PLS3: variants seen among roughly 807,000 people sequenced by gnomAD.
The protein encoded by PLS3 is plastin 3, also known as plastin-3.
A neutral mutation model predicts 46.5 loss-of-function variants in PLS3; 11 were observed. That is an observed-to-expected ratio of 0.24 (90% CI 0.15 to 0.39). The LOEUF (loss-of-function observed/expected upper bound fraction) is 0.39, where lower values mean the gene tolerates loss of function less well. PLS3 is among the 10% of genes least tolerant of loss of function. The pLI, the probability that PLS3 is intolerant of heterozygous loss-of-function variation, is 1.00. For missense variants in PLS3, 308 were observed against 461.8 expected, an observed-to-expected ratio of 0.67 and a Z score of 3.05; for synonymous variants, 167 against 162.2, an observed-to-expected ratio of 1.03 and a Z score of -0.22.
intron 1 of PLS3, among the ~76,000 whole-genome samples, chrX:115,564,866 T>C (rs1259437351): frequency 8.9e-6 from 1 of 112,083 alleles, no homozygotes; most frequent in African/African-American, 3.2e-5. Flanking sequence ...TTTAGAATCA[T>C]GTTGTCTTTG....
Position 115,650,475 on chromosome X carries a change from A to G in PLS3, c.*914A>G, listed in dbSNP as rs1226267268. Reference sequence around the variant, plus strand: ...TTGGTAGGCCAAGTATGCTAAGTGTACAATATATTTTTTAATTTTACACCT... The same window carrying G: ...TTGGTAGGCCAAGTATGCTAAGTGTGCAATATATTTTTTAATTTTACACCT... On this transcript the variant is annotated 3_prime_UTR_variant, in exon 16 of 16. Coordinates refer to ENST00000355899, the MANE Select transcript of PLS3 (RefSeq NM_005032.7). 8.9e-6 allele frequency: 1 copy of G among 112,214 alleles called. No individual in the cohort carries two copies. Among genetic ancestry groups the G allele is most frequent in the Admixed American group, 9.6e-5 (1 of 10,448 alleles). The allele number at this position is 112,214 out of a possible 1,213,427, so 9.2% of individuals were successfully genotyped here. A position where few individuals can be genotyped will look rare whatever the true frequency, so the allele number is the denominator to read the frequency against.
At chrX:115,573,943 A>G (rs1324251660) in intron 1 of PLS3, among the ~76,000 whole-genome samples, 3 of 111,095 alleles carry the variant, frequency 2.7e-5, no homozygotes, top group Non-Finnish European at 5.7e-5. Flanking sequence ...GCCTCAAGCG[A>G]TCTGCCCACC....
rs377174283 is a variant in PLS3, at chrX:115,603,991, A to G, written c.-8-6252A>G. On this transcript the variant is annotated intron_variant, in intron 1 of 15. Transcript: ENST00000355899. ...TGACAATATTGACAAGCTGTTAGCTATTTTGAAAAGTGATCCTAAAATATT... is the reference window on the plus strand; with the variant it reads ...TGACAATATTGACAAGCTGTTAGCTGTTTTGAAAAGTGATCCTAAAATATT... Among the ~76,000 whole-genome samples the G allele has an allele frequency of 7.8e-4, 88 of 112,117 alleles. 2 individuals are homozygous for G. In the South Asian group the frequency reaches 0.031, roughly 39 times the overall value.
At chrX:115,634,112 G>A (rs1228648830) in intron 6 of PLS3, 31 bp downstream of exon 6, 2 of 857,197 alleles carry the variant, frequency 2.3e-6, no homozygotes, top group African/African-American at 4.1e-5. Context: ...CCTTTAACAT[G>A]AAATTACTGT....
chrX:115,628,555 C>T (rs1425701083), intron 3 of PLS3, among the ~76,000 whole-genome samples: 1 of 110,813 alleles, frequency 9.0e-6, no homozygotes. Flanking sequence ...GGATGTGAAA[C>T]TTACTGTGTT....
intron 1 of PLS3, among the ~76,000 whole-genome samples, chrX:115,580,410 T>C (rs2074273342): frequency 8.9e-6 from 1 of 112,749 alleles, no homozygotes; most frequent in African/African-American, 3.2e-5. Flanking sequence ...TTTTTTGTTT[T>C]GGACTGTGTT....
Position 115,636,876 on chromosome X carries a change from A to G in PLS3, c.789A>G (p.Glu263=), listed in dbSNP as rs2074843393. The G allele has an allele frequency of 5.0e-6, 6 of 1,207,058 alleles. No individual in the cohort carries two copies. The highest frequency in any genetic ancestry group is 6.7e-6 in the Non-Finnish European group (6 of 892,207). The change falls in exon 8 of 16, where the codon GAA becomes GAG. Residue 263 remains glutamate, a synonymous_variant. Transcript: ENST00000355899. ...TCCGAGATGGTGAGACTTTGGAGGA[A>G]CTTATGAAATTGTCTCCAGAAGAGC... ...ALLRDGETLE[E]LMKLSPEELL...
chrX:115,618,269 C>T (rs2074615694), intron 2 of PLS3, among the ~76,000 whole-genome samples: 1 of 112,249 alleles, frequency 8.9e-6, no homozygotes, highest in Admixed American at 9.5e-5. Context: ...TGTTACATAC[C>T]TGTTATATAC....
intron 1 of PLS3, among the ~76,000 whole-genome samples, chrX:115,570,460 A>G (rs139198237): frequency 0.016 from 1,646 of 106,149 alleles, 22 homozygotes; most frequent in African/African-American, 0.05. Flanking sequence ...TCAGGCATCT[A>G]TATCTACCTC....
Position 115,626,467 on chromosome X carries a change from A to G in PLS3, c.238-2731A>G, listed in dbSNP as rs190162683. Among the ~76,000 whole-genome samples the G allele has an allele frequency of 4.6e-3, 506 of 109,713 alleles. 7 individuals are homozygous for G. Among genetic ancestry groups the G allele is most frequent in the African/African-American group, 0.016 (495 of 30,169 alleles). On this transcript the variant is annotated intron_variant, in intron 3 of 15. Coordinates refer to ENST00000355899, the MANE Select transcript of PLS3 (RefSeq NM_005032.7). ...GACCGGCTAATTTTGTGTTTTTAGT[A>G]GAGACAGAGTTTCTCCATGTTGGTC...
chrX:115,562,250 C>G (rs73636294), intron 1 of PLS3, among the ~76,000 whole-genome samples: 1,741 of 112,165 alleles, frequency 0.016, 34 homozygotes, highest in African/African-American at 0.054. Flanking sequence ...CCTGGCTTCT[C>G]GCCAGTCCCA....
rs782505445 is a variant in PLS3, at chrX:115,649,470, A to G, written c.1802A>G (p.Tyr601Cys). ...GCTAGAAGAATCGGAGCCAGAGTGT[A>G]TGCTCTCCCTGAAGACCTTGTGGAA... The part of the protein sequence containing the change: ...SMARRIGARV[Y>C]ALPEDLVEVK... Residue 601 changes from tyrosine to cysteine, a missense_variant, in exon 16 of 16, where the codon TAT (tyrosine) becomes TGT (cysteine). Tyr to Cys is a radical substitution (Grantham distance 194). Transcript: ENST00000355899. 8.9e-5 allele frequency: 107 copies of G among 1,203,974 alleles called. No individual in the cohort carries two copies. The highest frequency in any genetic ancestry group is 1.2e-4 in the Non-Finnish European group (104 of 890,207).
At chrX:115,609,265 G>T (rs950728719) in intron 1 of PLS3, among the ~76,000 whole-genome samples, 2 of 110,635 alleles carry the variant, frequency 1.8e-5, no homozygotes, top group Admixed American at 9.8e-5. Flanking sequence ...TTATTGCCAG[G>T]ATCAGCAAAG....
chrX:115,618,211 T>C (rs1237544302), intron 2 of PLS3, among the ~76,000 whole-genome samples: 1 of 112,132 alleles, frequency 8.9e-6, no homozygotes, highest in Non-Finnish European at 1.9e-5. Context: ...AAAACATCTC[T>C]ACCTTCCACT....
Position 115,634,070 on chromosome X carries a change from T to A in PLS3, c.571T>A (p.Phe191Ile). 8.9e-7 allele frequency: 1 copy of A among 1,118,991 alleles called. No individual in the cohort carries two copies. Among genetic ancestry groups the A allele is most frequent in the Non-Finnish European group, 1.2e-6 (1 of 813,648 alleles). The allele number at this position is 1,118,991 out of a possible 1,213,427, so 92.2% of individuals were successfully genotyped here. A position where few individuals can be genotyped will look rare whatever the true frequency, so the allele number is the denominator to read the frequency against. ...AATCAACAAGAAGAAACTTACACCC[T>A]TCATCATTCAGGTATGCATTGTTCT... is the stretch of plus-strand genomic sequence containing the variant. ...RAINKKKLTP[F>I]IIQENLNLAL... Residue 191 changes from phenylalanine (F) to isoleucine (I), a missense_variant, in exon 6 of 16, where the codon TTC (phenylalanine) becomes ATC (isoleucine). Phe to Ile is a conservative substitution (Grantham distance 21). Coordinates refer to ENST00000355899, the MANE Select transcript of PLS3 (RefSeq NM_005032.7).
intron 1 of PLS3, among the ~76,000 whole-genome samples, chrX:115,573,706 TA>T (rs1556630923): frequency 2.7e-5 from 3 of 111,553 alleles, no homozygotes; most frequent in Admixed American, 1.9e-4. Context: ...CCACAGACTT[TA>T]TTTTTTTATT....
intron 1 of PLS3, among the ~76,000 whole-genome samples, chrX:115,571,941 A>G (rs782219051): frequency 8.9e-6 from 1 of 112,266 alleles, no homozygotes; most frequent in Non-Finnish European, 1.9e-5. Context: ...ACATTCAGAA[A>G]ATATTCTGAG....
chrX:115,610,286 T>A lies in PLS3; in HGVS notation c.36T>A (p.Asp12Glu), dbSNP rs1556635937. ...TGGCTACCACTCAGATTTCCAAAGA[T>A]GAGCTTGATGAACTCAAAGAGGCCT... Reference protein sequence around the residue: ...DEMATTQISKDELDELKEAFA... With the variant: ...DEMATTQISKEELDELKEAFA... Residue 12 changes from aspartate (D) to glutamate (E), a missense_variant, in exon 2 of 16, where the codon GAT (aspartate) becomes GAA (glutamate). Asp to Glu is a conservative substitution (Grantham distance 45, BLOSUM62 2). Coordinates refer to ENST00000355899, the MANE Select transcript of PLS3 (RefSeq NM_005032.7). 8.5e-7 allele frequency: 1 copy of A among 1,174,372 alleles called. No homozygotes were observed.
intron 8 of PLS3, 144 bp downstream of exon 8, chrX:115,637,122 A>G (rs2074845773): frequency 7.5e-6 from 4 of 530,507 alleles, no homozygotes; most frequent in Non-Finnish European, 9.1e-6. Flanking sequence ...GAAGAGTAAT[A>G]GAGCCAGATA....
Sources: gnomAD v4.1 joint callset for allele counts (sites outside exome capture counted in the v4.1 genomes callset) on GRCh38, gnomAD v4.1.1 for gene constraint, MANE v1.5 for transcripts, NCBI Gene and HGNC (gene_info 2026-07-23, HGNC 2026-07-21) for gene names.